E2F2: variants seen among roughly 807,000 people sequenced by gnomAD.
E2F2 encodes E2F transcription factor 2.
E2F2 carries 22 observed loss-of-function variants against 42.2 expected under a neutral mutation model. The observed-to-expected ratio is 0.52, with a 90% CI of 0.37 to 0.74. E2F2 has a LOEUF of 0.74. Ranked by LOEUF, E2F2 falls within the 30% of genes least tolerant of loss-of-function variation. E2F2 has a pLI of 0.00. For missense variants in E2F2, 481 were observed against 557.8 expected, an observed-to-expected ratio of 0.86 and a Z score of 1.39; for synonymous variants, 248 against 251.6, an observed-to-expected ratio of 0.99 and a Z score of 0.13.
intron 6 of E2F2, among the ~76,000 whole-genome samples, chr1:23,513,219 G>A (rs1192177689): frequency 6.6e-6 from 1 of 151,276 alleles, no homozygotes; most frequent in African/African-American, 2.4e-5. Context: ...TGAGAGATGT[G>A]GGAACTGGGG....
intron 6 of E2F2, among the ~76,000 whole-genome samples, chr1:23,510,776 CAG>C (rs1642894340): frequency 6.6e-6 from 1 of 152,094 alleles, no homozygotes; most frequent in Non-Finnish European, 1.5e-5. Context: ...GGGTGGTTGT[CAG>C]GGGCTGGGCA....
intron 1 of E2F2, among the ~76,000 whole-genome samples, chr1:23,528,107 G>A (rs533415033): frequency 6.6e-6 from 1 of 152,340 alleles, no homozygotes; most frequent in African/African-American, 2.4e-5. Context: ...AGAGCTTCCT[G>A]CAGGCGTGAA....
intron 4 of E2F2, among the ~76,000 whole-genome samples, chr1:23,520,243 C>CAAAAAAAAAAAAAAA (rs66460864): frequency 1.3e-5 from 1 of 78,896 alleles, no homozygotes; most frequent in African/African-American, 8.2e-5. Flanking sequence ...GACTCTGTCT[C>CAAAAAAAAAAAAAAA]AAAAAAAAAA....
At position 23,517,998 on chromosome 1, in the gene E2F2, C is replaced by T. The variant is rs563228939; in HGVS notation, c.852+1018G>A. ...CAGCCTGGACAACGTGGCAAAACCT[C>T]GTCTCTACAAAAAAAACAAAAAATG... On this transcript the variant is annotated intron_variant, in intron 5 of 6. Transcript: ENST00000361729. 1.7e-4 allele frequency among the ~76,000 whole-genome samples: 26 copies of T among 151,802 alleles called. 1 individual carries two copies. The South Asian group carries it at 4.2e-3, about 24-fold the overall frequency.
At position 23,524,433 on chromosome 1, in the gene E2F2, G is replaced by A; in HGVS notation, c.308C>T (p.Pro103Leu). Residue 103 changes from proline to leucine, a missense_variant, in exon 2 of 7, where the codon CCA becomes CTA. By Grantham distance (98) the Pro-to-Leu change is moderately conservative. Coordinates refer to ENST00000361729, the MANE Select transcript of E2F2 (RefSeq NM_004091.4). ...TCTGATGCACTTCCCCTTGGGGGTT[G>A]GGAACTCAGGGACGACGGGCCTCCC... The part of the protein sequence containing the change: ...GIGRPVVPEF[P>L]TPKGKCIRVD... 6.2e-7 allele frequency: 1 copy of A among 1,612,704 alleles called. No homozygotes were observed. The highest frequency in any genetic ancestry group is 2.2e-5 in the East Asian group (1 of 44,776).
intron 6 of E2F2, among the ~76,000 whole-genome samples, chr1:23,515,022 G>A (rs1642992056): frequency 6.6e-6 from 1 of 152,138 alleles, no homozygotes; most frequent in Non-Finnish European, 1.5e-5. Flanking sequence ...TAACCTCTGA[G>A]TTAGAGAAAT....
chr1:23,521,064 C>G lies in E2F2; in HGVS notation c.586G>C (p.Gly196Arg). The change falls in exon 4 of 7, where the codon GGA (glycine) becomes CGA (arginine). Residue 196 changes from glycine (G) to arginine (R), a missense_variant. By Grantham distance (125) the Gly-to-Arg change is moderately radical. Transcript: ENST00000361729. ...AKNNIQWVGR[G>R]MFEDPTRPGK... ...GGTCTGGTGGGGTCTTCAAACATTCCCCTGCCTCTGGGAACAGAGCAGCCC... is the reference window on the plus strand; with the variant it reads ...GGTCTGGTGGGGTCTTCAAACATTCGCCTGCCTCTGGGAACAGAGCAGCCC... 6.2e-7 allele frequency: 1 copy of G among 1,610,392 alleles called. No individual in the cohort carries two copies. Among genetic ancestry groups the G allele is most frequent in the Non-Finnish European group, 8.5e-7 (1 of 1,178,362 alleles).
At position 23,506,872 on chromosome 1, in the gene E2F2, G is replaced by A. The variant is rs935766545; in HGVS notation, c.*3008C>T. The A allele has an allele frequency of 1.4e-4, 21 of 152,326 alleles. No individual in the cohort carries two copies. Among genetic ancestry groups the A allele is most frequent in the African/African-American group, 5.1e-4 (21 of 41,456 alleles). 9.4% of individuals were successfully genotyped at this position (152,326 alleles called of 1,614,324 possible). A position where few individuals can be genotyped will look rare whatever the true frequency, so the allele number is the denominator to read the frequency against. On this transcript the variant is annotated 3_prime_UTR_variant, in exon 7 of 7. Transcript: ENST00000361729. ...AGAACACTTGGGGAGGGAGAACAAAGTCAGAACCATCCTAAAGCCAGTTTT... is the reference window on the plus strand; with the variant it reads ...AGAACACTTGGGGAGGGAGAACAAAATCAGAACCATCCTAAAGCCAGTTTT...
rs547368287 is a variant in E2F2 at position 23,506,735 on chromosome 1, C to T, written c.*3145G>A. ...AATCACAAGAACCAGAAAGCTGCTT[C>T]CAAACAACCCCAGAAGGTTTTCACT... On this transcript the variant is annotated 3_prime_UTR_variant, in exon 7 of 7. Coordinates refer to ENST00000361729, the MANE Select transcript of E2F2 (RefSeq NM_004091.4). The T allele has an allele frequency of 3.3e-5, 5 of 152,310 alleles. No individual in the cohort carries two copies. The highest frequency in any genetic ancestry group is 7.3e-5 in the Non-Finnish European group (5 of 68,090). 9.4% of individuals were successfully genotyped at this position (152,310 alleles called of 1,614,324 possible).
intron 6 of E2F2, among the ~76,000 whole-genome samples, chr1:23,513,824 G>C (rs373872392): frequency 1.3e-3 from 193 of 152,036 alleles, no homozygotes; most frequent in African/African-American, 4.2e-3. Context: ...GTAAAACTCA[G>C]GTAAAAACTT....
rs34779858 is a variant in E2F2, at chr1:23,507,107, A to ATTT, written c.*2770_*2772dup. 1 of 151,960 alleles carries ATTT rather than the reference A, an allele frequency of 6.6e-6. No individual in the cohort carries two copies. The highest frequency in any genetic ancestry group is 1.9e-4 in the East Asian group (1 of 5,170). The allele number at this position is 151,960 out of a possible 1,614,324, so 9.4% of individuals were successfully genotyped here. A position where few individuals can be genotyped will look rare whatever the true frequency, so the allele number is the denominator to read the frequency against. On this transcript the variant is annotated 3_prime_UTR_variant, in exon 7 of 7. Transcript: ENST00000361729. ...TTAGAAGTCCCTGGGGACACGAGTG[A>ATTT]TTTTTTTAGGGGGGCTGCTGGTGGG...
intron 1 of E2F2, among the ~76,000 whole-genome samples, chr1:23,529,752 C>T (rs1192988688): frequency 1.3e-5 from 2 of 152,182 alleles, no homozygotes; most frequent in Non-Finnish European, 2.9e-5. Flanking sequence ...CCTCAACCAC[C>T]ACCACCTCCA....
Position 23,510,019 on chromosome 1 carries a change from G to C in E2F2, c.1175C>G (p.Pro392Arg). 1 of 1,613,574 alleles carries C rather than the reference G, an allele frequency of 6.2e-7. No homozygotes were observed. The highest frequency in any genetic ancestry group is 8.5e-7 in the Non-Finnish European group (1 of 1,179,862). ...CAGAGGGGAGCTGCACGCCAGGGTC[G>C]GGGACAGGAACTGGTCCTCAGTCTG... is the stretch of plus-strand genomic sequence containing the variant. ...LQQTEDQFLS[P>R]TLACSSPLIS... Residue 392 changes from proline (P) to arginine (R), a missense_variant, in exon 7 of 7, where the codon CCG (proline) becomes CGG (arginine). Coordinates refer to ENST00000361729, the MANE Select transcript of E2F2 (RefSeq NM_004091.4).
At chr1:23,522,370 C>G (rs1344341465) in intron 2 of E2F2, among the ~76,000 whole-genome samples, 1 of 152,236 alleles carries the variant, frequency 6.6e-6, no homozygotes, top group Non-Finnish European at 1.5e-5. Context: ...TGTCACTGTT[C>G]TAAGTGCTTT....
intron 5 of E2F2, among the ~76,000 whole-genome samples, chr1:23,518,520 C>T (rs1451885615): frequency 6.6e-6 from 1 of 151,924 alleles, no homozygotes; most frequent in Non-Finnish European, 1.5e-5. Flanking sequence ...CAGAAGATCT[C>T]ATACTAGGAA....
rs11449034 is a variant in E2F2 at position 23,513,118 on chromosome 1, GTTTTTTT to G, written c.1046-2977_1046-2971del. 5.3e-4 allele frequency among the ~76,000 whole-genome samples: 74 copies of G among 139,652 alleles called. No individual in the cohort carries two copies. In the South Asian group the frequency reaches 0.017, roughly 31 times the overall value. 91.6% of individuals were successfully genotyped at this position (139,652 alleles called of 152,430 possible). A position where few individuals can be genotyped will look rare whatever the true frequency, so the allele number is the denominator to read the frequency against. On this transcript the variant is annotated intron_variant, in intron 6 of 6. Transcript: ENST00000361729. ...TGTGCCACCGCGGCTGGCCACATAAGTTTTTTTTTTTTTTTTTTAAATCACATTTATG... is the reference window on the plus strand; with the variant it reads ...TGTGCCACCGCGGCTGGCCACATAAGTTTTTTTTTTTAAATCACATTTATG...
In E2F2 at chr1:23,519,093, C is replaced by CA; in HGVS notation, c.774dup (p.Gly259TrpfsTer4). 1 of 1,613,898 alleles carries CA rather than the reference C, an allele frequency of 6.2e-7. No individual in the cohort carries two copies. Among genetic ancestry groups the CA allele is most frequent in the Non-Finnish European group, 8.5e-7 (1 of 1,179,914 alleles). ...ATCACTGTCTGCTCCTTAAAGTTGC[C>CA]AACAGCACGGATATCCTGGTAAGTC... On this transcript the variant is annotated frameshift_variant, in exon 5 of 7. Coordinates refer to ENST00000361729, the MANE Select transcript of E2F2 (RefSeq NM_004091.4). LOFTEE classifies it high-confidence loss of function.
chr1:23,517,443 T>G (rs1038027733), intron 5 of E2F2, among the ~76,000 whole-genome samples: 1 of 152,234 alleles, frequency 6.6e-6, no homozygotes, highest in African/African-American at 2.4e-5. Context: ...CCTTTCTCTA[T>G]GCTTGCAAAG....
chr1:23,511,247 T>G (rs1327664508), intron 6 of E2F2, among the ~76,000 whole-genome samples: 1 of 152,094 alleles, frequency 6.6e-6, no homozygotes, highest in Non-Finnish European at 1.5e-5. Context: ...CTTCTTTTTT[T>G]TTTTTTGAAA....
Sources: allele counts gnomAD v4.1 joint callset (sites outside exome capture counted in the v4.1 genomes callset), GRCh38; gene constraint gnomAD v4.1.1; transcripts MANE v1.5; gene names NCBI Gene and HGNC (gene_info 2026-07-23, HGNC 2026-07-21).